Variants in IKBKB observed in about 807,000 individuals in gnomAD.
IKBKB encodes inhibitor of nuclear factor kappa-B kinase subunit beta.
A neutral mutation model predicts 113.6 loss-of-function variants in IKBKB; 42 were observed. The observed-to-expected ratio is 0.37, with a 90% CI of 0.29 to 0.48. The LOEUF is 0.48. Ranked by LOEUF, IKBKB falls within the 20% of genes least tolerant of loss-of-function variation. The pLI is 0.99. For synonymous variants in IKBKB, 296 were observed against 361.3 expected, an observed-to-expected ratio of 0.82 and a Z score of 2.05; for missense variants, 673 against 939.7, an observed-to-expected ratio of 0.72 and a Z score of 3.71.
At chr8:42,285,720 G>T (rs1811284124) in intron 2 of IKBKB, among the ~76,000 whole-genome samples, 1 of 152,246 alleles carries the variant, frequency 6.6e-6, no homozygotes, top group Admixed American at 6.5e-5. Context: ...CCGCAGACTG[G>T]ACTGAGGGGG....
chr8:42,317,209 T>TTA, intron 11 of IKBKB: 1 of 296,432 alleles, frequency 3.4e-6, no homozygotes, highest in Non-Finnish European at 6.4e-6. Context: ...CCAAGTGTAC[T>TTA]AAAAAAAAAA....
At chr8:42,310,820 G>A (rs1035229528) in intron 8 of IKBKB, among the ~76,000 whole-genome samples, 3 of 152,000 alleles carry the variant, frequency 2.0e-5, no homozygotes, top group Non-Finnish European at 2.9e-5. Flanking sequence ...TTCATACAAC[G>A]TGCCTTTCAA....
chr8:42,307,546 A>G (rs1008780709), intron 7 of IKBKB, among the ~76,000 whole-genome samples: 4 of 152,190 alleles, frequency 2.6e-5, no homozygotes, highest in African/African-American at 9.7e-5. Flanking sequence ...GCTTAGCACA[A>G]ATGCCCAGCA....
chr8:42,309,061 G>A (rs754216038), intron 8 of IKBKB, 36 bp downstream of exon 8: 11 of 1,602,144 alleles, frequency 6.9e-6, no homozygotes, highest in African/African-American at 5.4e-5. Context: ...GGAGGAGGGA[G>A]CCTGTCTGTT....
At chr8:42,289,072 C>T (rs565866923) in intron 3 of IKBKB, among the ~76,000 whole-genome samples, 23 of 152,202 alleles carry the variant, frequency 1.5e-4, no homozygotes, top group East Asian at 5.8e-4. Flanking sequence ...AAAAATTAGC[C>T]GGGCATGGTG....
At position 42,317,159 on chromosome 8, in the gene IKBKB, A is replaced by G. The variant is rs1410198301; in HGVS notation, c.1125+255A>G. ...TGCCTTTATTGCAAAAAATGATGCT[A>G]TAACACTCGAATCTCTCAAGTTGCC... On this transcript the variant is annotated intron_variant, in intron 11 of 21. Transcript: ENST00000520810. The G allele has an allele frequency of 7.5e-6, 4 of 536,350 alleles. No individual in the cohort carries two copies. In the East Asian group the frequency reaches 1.0e-4, roughly 14 times the overall value. 33.2% of individuals were successfully genotyped at this position (536,350 alleles called of 1,614,324 possible).
Position 42,316,305 on chromosome 8 carries a change from G to T in IKBKB, c.896G>T (p.Cys299Phe). The change falls in exon 10 of 22, where the codon TGC becomes TTC. Residue 299 changes from cysteine to phenylalanine, a missense_variant. Transcript: ENST00000520810. This position sits in a 1 kb window ranked among gnomAD's most constrained non-coding sequence, Gnocchi z 4.5. ...GTDPTYGPNG[C>F]FKALDDILNL... ...GATCCCACGTATGGGCCCAATGGCT[G>T]CTTCAAGGCCCTGGATGACATCTTA... 1 of 1,614,178 alleles carries T rather than the reference G, an allele frequency of 6.2e-7. No individual in the cohort carries two copies. The highest frequency in any genetic ancestry group is 8.5e-7 in the Non-Finnish European group (1 of 1,180,024).
chr8:42,318,510 T>A, intron 12 of IKBKB, 42 bp from the exon 13 acceptor site: 1 of 1,601,216 alleles, frequency 6.2e-7, no homozygotes. Context: ...AGGAGAGTTA[T>A]TGTGGTTATT....
intron 4 of IKBKB, among the ~76,000 whole-genome samples, chr8:42,292,661 A>G (rs1310135209): frequency 6.6e-6 from 1 of 152,216 alleles, no homozygotes; most frequent in African/African-American, 2.4e-5. Flanking sequence ...GGTGAGGCTC[A>G]GATGGGAAGC....
At chr8:42,310,562 A>T (rs1817521257) in intron 8 of IKBKB, among the ~76,000 whole-genome samples, 1 of 152,234 alleles carries the variant, frequency 6.6e-6, no homozygotes, top group Non-Finnish European at 1.5e-5. Context: ...TTTTTGAGCC[A>T]ATTTATCTGC....
intron 3 of IKBKB, among the ~76,000 whole-genome samples, chr8:42,289,205 A>G (rs2130296666): frequency 6.6e-6 from 1 of 152,092 alleles, no homozygotes; most frequent in Non-Finnish European, 1.5e-5. Flanking sequence ...ACAGAGCGAG[A>G]CTCCGTCTAA....
rs571244360 is a variant in IKBKB, at chr8:42,278,329, G to C, written c.105+6124G>C. On this transcript the variant is annotated intron_variant, in intron 2 of 21. Transcript: ENST00000520810. Reference sequence around the variant, plus strand: ...AAGTCAGATCCTGTGGTGTTTTTTGGGCAGTTTCAGCCGAGGAGGTTTTGT... The same window carrying C: ...AAGTCAGATCCTGTGGTGTTTTTTGCGCAGTTTCAGCCGAGGAGGTTTTGT... Among the ~76,000 whole-genome samples the C allele has an allele frequency of 3.3e-5, 5 of 152,274 alleles. No homozygotes were observed. In the East Asian group the frequency reaches 9.6e-4, roughly 29 times the overall value.
In IKBKB at chr8:42,319,344, A is replaced by G. The variant is rs777177935; in HGVS notation, c.1439A>G (p.Lys480Arg). The stretch of plus-strand genomic sequence containing the variant: ...ATGGCTTCCATGTCTCAGCAGCTCA[A>G]GGCCAAGTTGGATTTCTTCAAAACC... ...NSMASMSQQL[K>R]AKLDFFKTSI... The change falls in exon 14 of 22, where the codon AAG (lysine) becomes AGG (arginine). Residue 480 changes from lysine (K) to arginine (R), a missense_variant. Physicochemically the swap from Lys to Arg is conservative, Grantham distance 26. Transcript: ENST00000520810. 6.2e-7 allele frequency: 1 copy of G among 1,614,086 alleles called. No homozygotes were observed. Among genetic ancestry groups the G allele is most frequent in the East Asian group, 2.2e-5 (1 of 44,900 alleles).
At chr8:42,291,325 G>A (rs150330144) in intron 4 of IKBKB, among the ~76,000 whole-genome samples, 5,282 of 152,122 alleles carry the variant, frequency 0.035, 103 homozygotes, top group Non-Finnish European at 0.042. Flanking sequence ...GGGATTATAG[G>A]CGCCCGCCCC....
intron 4 of IKBKB, among the ~76,000 whole-genome samples, chr8:42,291,860 A>T (rs1812717408): frequency 6.6e-6 from 1 of 152,152 alleles, no homozygotes; most frequent in African/African-American, 2.4e-5. Flanking sequence ...TAAGCCTGGG[A>T]GGTTGAGGCT....
At chr8:42,312,993 C>T (rs1818009770) in intron 8 of IKBKB, among the ~76,000 whole-genome samples, 1 of 152,214 alleles carries the variant, frequency 6.6e-6, no homozygotes, top group African/African-American at 2.4e-5. Flanking sequence ...ATTTGATCAT[C>T]ATTTCCTTTA....
intron 4 of IKBKB, 121 bp from the exon 5 acceptor site, chr8:42,293,322 G>A (rs1157682339): frequency 5.0e-6 from 6 of 1,195,702 alleles, no homozygotes; most frequent in Non-Finnish European, 7.2e-6. Context: ...TCAAAAGCAG[G>A]TCCCCTAAAG....
chr8:42,274,236 GC>G (rs1432421212), intron 2 of IKBKB, among the ~76,000 whole-genome samples: 1 of 152,030 alleles, frequency 6.6e-6, no homozygotes. Context: ...CACCATGTAG[GC>G]CATGCCGGTC....
At chr8:42,272,958 A>C (rs1004114600) in intron 2 of IKBKB, among the ~76,000 whole-genome samples, 18 of 151,236 alleles carry the variant, frequency 1.2e-4, no homozygotes, top group Non-Finnish European at 2.4e-4. Context: ...AAAAAAAAAA[A>C]AAACCTTAGG....
Sources: allele counts gnomAD v4.1 joint callset (sites outside exome capture counted in the v4.1 genomes callset), GRCh38; gene constraint gnomAD v4.1.1; non-coding constraint Gnocchi (gnomAD v3.1); transcripts MANE v1.5; gene names NCBI Gene and HGNC (gene_info 2026-07-23, HGNC 2026-07-21).